SLC23A2: variants seen among roughly 807,000 people sequenced by gnomAD.
SLC23A2 encodes the protein solute carrier family 23 member 2, also known as Na(+)/L-ascorbic acid transporter 2.
SLC23A2 carries 36 observed loss-of-function variants against 73.3 expected under a neutral mutation model. The ratio of observed to expected loss-of-function variants is 0.49; its 90% CI spans 0.38 to 0.65. The LOEUF (loss-of-function observed/expected upper bound fraction) is 0.65, where lower values mean the gene tolerates loss of function less well. Ranked by LOEUF, SLC23A2 falls within the 30% of genes least tolerant of loss-of-function variation. The probability of loss-of-function intolerance (pLI) is 0.00; values close to 1 mark genes in which losing one functional copy is unlikely to be tolerated. For synonymous variants in SLC23A2, 343 were observed against 327.3 expected (o/e 1.05, Z -0.52); for missense variants, 507 against 841.6 (o/e 0.60, Z 4.92).
intron 1 of SLC23A2, among the ~76,000 whole-genome samples, chr20:4,992,213 G>A (rs2087937297): frequency 6.6e-6 from 1 of 152,136 alleles, no homozygotes; most frequent in South Asian, 2.1e-4. Context: ...TGATTTTAAT[G>A]TCTAAAATAG....
intron 6 of SLC23A2, among the ~76,000 whole-genome samples, chr20:4,891,810 C>T (rs7272986): frequency 0.077 from 11,735 of 152,204 alleles, 1,049 homozygotes; most frequent in African/African-American, 0.22. Flanking sequence ...AGTGTAGTGG[C>T]GCAAATCACA....
intron 2 of SLC23A2, among the ~76,000 whole-genome samples, chr20:4,941,706 A>G (rs779226092): frequency 3.4e-5 from 5 of 145,256 alleles, no homozygotes; most frequent in South Asian, 2.2e-4. Flanking sequence ...TGTCTCGAGG[A>G]AAAAAAAAAA....
At chr20:5,001,154 G>A (rs968055634) in intron 1 of SLC23A2, among the ~76,000 whole-genome samples, 2 of 151,634 alleles carry the variant, frequency 1.3e-5, no homozygotes, top group Non-Finnish European at 2.9e-5. Flanking sequence ...CCGGGGGCCC[G>A]GCCCGGCCGG....
rs1600063711 is a variant in SLC23A2, at chr20:4,853,650, T to C, written c.*3322A>G. 3 of 152,666 alleles carry C rather than the reference T, an allele frequency of 2.0e-5. No individual in the cohort carries two copies. The highest frequency in any genetic ancestry group is 2.0e-4 in the Admixed American group (3 of 15,284). The allele number at this position is 152,666 out of a possible 1,614,324, so 9.5% of individuals were successfully genotyped here. On this transcript the variant is annotated 3_prime_UTR_variant, in exon 17 of 17. Transcript: ENST00000338244. ...CTATATGGAAATACTGCAATATTCATGCATAAACCAAGTTGTCATCATGAA... is the reference window on the plus strand; with the variant it reads ...CTATATGGAAATACTGCAATATTCACGCATAAACCAAGTTGTCATCATGAA...
intron 1 of SLC23A2, among the ~76,000 whole-genome samples, chr20:4,982,467 C>T (rs1281648755): frequency 6.6e-6 from 1 of 152,184 alleles, no homozygotes; most frequent in East Asian, 1.9e-4. Context: ...TCAATGCACT[C>T]ACTCTCAAAA....
chr20:4,912,855 G>A, intron 4 of SLC23A2, 25 bp downstream of exon 4: 1 of 1,468,744 alleles, frequency 6.8e-7, no homozygotes, highest in Non-Finnish European at 9.5e-7. Context: ...GTGGGAGTGG[G>A]GACACGGGGT....
intron 1 of SLC23A2, among the ~76,000 whole-genome samples, chr20:4,988,693 G>A (rs1015016252): frequency 6.2e-5 from 9 of 145,798 alleles, no homozygotes; most frequent in East Asian, 2.1e-4. Flanking sequence ...CTGAGATCGC[G>A]CCCCTGCACT....
rs1035996380 is a variant in SLC23A2, at chr20:4,857,421, G to A, written c.1721-217C>T. 4.0e-5 allele frequency among the ~76,000 whole-genome samples: 6 copies of A among 151,846 alleles called. No homozygotes were observed. The highest frequency in any genetic ancestry group is 7.4e-5 in the Non-Finnish European group (5 of 68,016). On this transcript the variant is annotated intron_variant, in intron 16 of 16. Coordinates refer to ENST00000338244, the MANE Select transcript of SLC23A2 (RefSeq NM_005116.6). This position sits in a 1 kb window ranked among gnomAD's most constrained non-coding sequence, Gnocchi z 4.0. ...GCTCAGCTATCCAGTGCCCAAACCA[G>A]AAGTCTAAGAAGCACTAACCCCTCC...
chr20:4,943,452 G>A (rs1168773258), intron 2 of SLC23A2, among the ~76,000 whole-genome samples: 1 of 151,692 alleles, frequency 6.6e-6, no homozygotes, highest in African/African-American at 2.4e-5. Flanking sequence ...CGGATCGCTT[G>A]AGCCCAGGAG....
intron 2 of SLC23A2, among the ~76,000 whole-genome samples, chr20:4,952,455 A>T (rs2087217957): frequency 6.6e-6 from 1 of 152,198 alleles, no homozygotes; most frequent in South Asian, 2.1e-4. Flanking sequence ...TTTTATACCC[A>T]GATAAGGTGC....
chr20:5,000,947 T>A (rs1194830226), intron 1 of SLC23A2, among the ~76,000 whole-genome samples: 3 of 152,092 alleles, frequency 2.0e-5, no homozygotes, highest in African/African-American at 7.2e-5. Flanking sequence ...TGCCCCTGAA[T>A]TCCAGGGGGC....
intron 1 of SLC23A2, among the ~76,000 whole-genome samples, chr20:4,992,470 A>G (rs2087941147): frequency 6.6e-6 from 1 of 151,744 alleles, no homozygotes; most frequent in Admixed American, 6.6e-5. Context: ...ATTTAGGGAT[A>G]ACAAAGCCAT....
rs1019180901 is a variant in SLC23A2 at position 4,868,444 on chromosome 20, A to G, written c.1251-569T>C. On this transcript the variant is annotated intron_variant, in intron 12 of 16. Transcript: ENST00000338244. This position sits in a 1 kb window ranked among gnomAD's most constrained non-coding sequence, Gnocchi z 4.4. ...GAAGCACATCTCTAAATCACACGTTAGATTTGAGTGTTTTTAAATCACCGC... is the reference window on the plus strand; with the variant it reads ...GAAGCACATCTCTAAATCACACGTTGGATTTGAGTGTTTTTAAATCACCGC... 3.3e-5 allele frequency among the ~76,000 whole-genome samples: 5 copies of G among 152,206 alleles called. No individual in the cohort carries two copies. The highest frequency in any genetic ancestry group is 9.6e-5 in the African/African-American group (4 of 41,454).
intron 1 of SLC23A2, among the ~76,000 whole-genome samples, chr20:4,975,731 T>C (rs955008383): frequency 6.6e-6 from 1 of 151,712 alleles, no homozygotes; most frequent in Non-Finnish European, 1.5e-5. Context: ...GAATGACATC[T>C]GGTTTTGATC....
intron 7 of SLC23A2, 113 bp downstream of exon 7, chr20:4,885,708 T>C (rs921103458): frequency 5.3e-6 from 4 of 757,376 alleles, no homozygotes; most frequent in Non-Finnish European, 9.4e-6. Context: ...GTTTGTGTGC[T>C]TTGTCCCTAA....
chr20:4,881,923 T>C (rs1164584717), intron 9 of SLC23A2, among the ~76,000 whole-genome samples: 2 of 152,160 alleles, frequency 1.3e-5, no homozygotes, highest in Admixed American at 1.3e-4. Context: ...GTTTTGTTCA[T>C]CCTTTTGTTA....
At chr20:4,909,312 T>C in intron 4 of SLC23A2, among the ~76,000 whole-genome samples, 1 of 152,186 alleles carries the variant, frequency 6.6e-6, no homozygotes, top group East Asian at 1.9e-4. Flanking sequence ...GCTCAAAAAA[T>C]TTCAGATATT....
chr20:4,994,921 C>T (rs994064135), intron 1 of SLC23A2, among the ~76,000 whole-genome samples: 3 of 149,412 alleles, frequency 2.0e-5, no homozygotes, highest in African/African-American at 7.4e-5. Context: ...GCAACAAGAG[C>T]AAAACTCTGT....
chr20:4,857,225 G>A lies in SLC23A2; in HGVS notation c.1721-21C>T. ...AGTGCCTGTCACACATCCCAAGATA[G>A]AACAAAGGAATGCTTCGTTTAGCAG... On this transcript the variant is annotated intron_variant, in intron 16 of 16. Transcript: ENST00000338244. This position sits in a 1 kb window ranked among gnomAD's most constrained non-coding sequence, Gnocchi z 4.0. 2.1e-6 allele frequency: 3 copies of A among 1,443,304 alleles called. No homozygotes were observed. Among genetic ancestry groups the A allele is most frequent in the Non-Finnish European group, 2.9e-6 (3 of 1,048,778 alleles). 89.4% of individuals were successfully genotyped at this position (1,443,304 alleles called of 1,614,324 possible). A position where few individuals can be genotyped will look rare whatever the true frequency, so the allele number is the denominator to read the frequency against.
Sources: gnomAD v4.1 joint callset for allele counts (sites outside exome capture counted in the v4.1 genomes callset) on GRCh38, gnomAD v4.1.1 for gene constraint, Gnocchi (gnomAD v3.1) non-coding constraint, MANE v1.5 for transcripts, NCBI Gene and HGNC (gene_info 2026-07-23, HGNC 2026-07-21) for gene names.